Variants in ZNF407 observed in about 807,000 individuals in gnomAD.
The protein encoded by ZNF407 is zinc finger protein 407.
A neutral mutation model predicts 131.2 loss-of-function variants in ZNF407; 17 were observed. The ratio of observed to expected loss-of-function variants is 0.13; its 90% CI spans 0.09 to 0.19. The LOEUF (loss-of-function observed/expected upper bound fraction) is 0.19, where lower values mean the gene tolerates loss of function less well. Ranked by LOEUF, ZNF407 falls within the 10% of genes least tolerant of loss-of-function variation. The pLI is 1.00. For synonymous variants in ZNF407, 1,156 were observed against 1,062.0 expected (o/e 1.09, Z -1.72); for missense variants, 2,681 against 2,830.6 (o/e 0.95, Z 1.20).
intron 6 of ZNF407, among the ~76,000 whole-genome samples, chr18:74,888,383 G>A (rs1971339443): frequency 6.6e-6 from 1 of 151,912 alleles, no homozygotes. Flanking sequence ...TTTTACAATA[G>A]TTAATTTAAC....
In ZNF407 at chr18:74,891,312, C is replaced by T. The variant is rs146161475; in HGVS notation, c.5249+1274C>T. ...ATCCTGGAGCTGAAGATCTCCACTG[C>T]GCTCGACCCACATGATGGCGTGAAA... On this transcript the variant is annotated intron_variant, in intron 7 of 8. Transcript: ENST00000299687. Among the ~76,000 whole-genome samples the T allele has an allele frequency of 1.8e-3, 281 of 152,304 alleles. 1 individual carries two copies. The highest frequency in any genetic ancestry group is 6.5e-3 in the African/African-American group (271 of 41,566).
In ZNF407 at chr18:75,064,315, A is replaced by G. The variant is rs1270895869; in HGVS notation, c.6594A>G (p.Glu2198=). Reference sequence around the variant, plus strand: ...TGCTGGAGACTGCGGACTCGCAGGAACTCCTGCAGGCCGGGGCCACGCTAG... The same window carrying G: ...TGCTGGAGACTGCGGACTCGCAGGAGCTCCTGCAGGCCGGGGCCACGCTAG... ...HTVLETADSQ[E]LLQAGATLGT... The change falls in exon 9 of 9, where the codon GAA becomes GAG. Residue 2198 remains glutamate (E), a synonymous_variant. Transcript: ENST00000299687. 1.3e-6 allele frequency: 2 copies of G among 1,599,982 alleles called. No homozygotes were observed. The highest frequency in any genetic ancestry group is 2.7e-5 in the African/African-American group (2 of 74,594).
intron 4 of ZNF407, among the ~76,000 whole-genome samples, chr18:74,807,651 A>G (rs1970131875): frequency 6.6e-6 from 1 of 152,262 alleles, no homozygotes; most frequent in Non-Finnish European, 1.5e-5. Context: ...TGTATCCAAT[A>G]GAATGTTAAC....
chr18:74,877,445 C>T, intron 5 of ZNF407, 82 bp downstream of exon 5: 1 of 1,268,862 alleles, frequency 7.9e-7, no homozygotes, highest in South Asian at 1.3e-5. Flanking sequence ...ATTAATTATC[C>T]CATCTTCATA....
At chr18:74,964,520 A>G (rs1462427278) in intron 8 of ZNF407, among the ~76,000 whole-genome samples, 1 of 151,398 alleles carries the variant, frequency 6.6e-6, no homozygotes, top group African/African-American at 2.4e-5. Flanking sequence ...TGCTTTGTCA[A>G]GTAAGAAAGT....
At chr18:75,029,583 G>C (rs948746727) in intron 8 of ZNF407, among the ~76,000 whole-genome samples, 2 of 151,950 alleles carry the variant, frequency 1.3e-5, no homozygotes, top group Non-Finnish European at 1.5e-5. Context: ...GTGTGCGTGC[G>C]TGTGTGTGCG....
rs184295223 is a variant in ZNF407, at chr18:74,717,541, T to C, written c.4803-63887T>C. Among the ~76,000 whole-genome samples the C allele has an allele frequency of 4.6e-5, 7 of 152,330 alleles. No individual in the cohort carries two copies. In the East Asian group the frequency reaches 1.2e-3, roughly 25 times the overall value. On this transcript the variant is annotated intron_variant, in intron 3 of 8. Coordinates refer to ENST00000299687, the MANE Select transcript of ZNF407 (RefSeq NM_017757.3). ...CTGTGAGATATGAGATCAGTTTCTT[T>C]CGATAGCCATAGGTAAACAATTTGT...
chr18:74,838,594 A>C (rs531077287), intron 4 of ZNF407, among the ~76,000 whole-genome samples: 1 of 152,098 alleles, frequency 6.6e-6, no homozygotes, highest in South Asian at 2.1e-4. Flanking sequence ...AAGCTACTCA[A>C]AGTTTTTTTT....
At chr18:75,001,183 G>A (rs558194461) in intron 8 of ZNF407, among the ~76,000 whole-genome samples, 1 of 152,292 alleles carries the variant, frequency 6.6e-6, no homozygotes, top group African/African-American at 2.4e-5. Context: ...GGGAAAATGG[G>A]TGGGGAAGAT....
intron 3 of ZNF407, among the ~76,000 whole-genome samples, chr18:74,739,758 A>G (rs1197157144): frequency 6.6e-6 from 1 of 152,160 alleles, no homozygotes; most frequent in African/African-American, 2.4e-5. Flanking sequence ...TGCTCATTTA[A>G]AAAGTAAAAA....
At chr18:74,999,864 A>G (rs1972825251) in intron 8 of ZNF407, among the ~76,000 whole-genome samples, 1 of 152,244 alleles carries the variant, frequency 6.6e-6, no homozygotes, top group African/African-American at 2.4e-5. Flanking sequence ...GTTACATGAA[A>G]AAAAGTAACC....
chr18:74,980,385 A>G (rs1261664235), intron 8 of ZNF407, among the ~76,000 whole-genome samples: 2 of 151,802 alleles, frequency 1.3e-5, no homozygotes, highest in African/African-American at 4.8e-5. Context: ...TCAGCTCACT[A>G]CATCAGCCTC....
chr18:74,828,597 C>T lies in ZNF407; in HGVS notation c.4877+47095C>T, dbSNP rs527518216. 6.5e-4 allele frequency among the ~76,000 whole-genome samples: 99 copies of T among 152,322 alleles called. 3 individuals are homozygous for T. In the South Asian group the frequency reaches 0.017, roughly 26 times the overall value. ...ACCAGAAGCATTCATTTGTTTTTAG[C>T]ACTGCTTATGGGAACCTGTTCTTTC... On this transcript the variant is annotated intron_variant, in intron 4 of 8. Transcript: ENST00000299687.
intron 4 of ZNF407, among the ~76,000 whole-genome samples, chr18:74,793,907 G>A (rs1969871651): frequency 6.6e-6 from 1 of 152,150 alleles, no homozygotes; most frequent in Non-Finnish European, 1.5e-5. Context: ...TCAGGAGGGA[G>A]AGCTACCGCC....
intron 4 of ZNF407, among the ~76,000 whole-genome samples, chr18:74,854,969 T>G (rs1000978729): frequency 2.0e-5 from 3 of 152,232 alleles, no homozygotes; most frequent in Non-Finnish European, 4.4e-5. Context: ...TTGTTAGGCA[T>G]TTTTATTCTC....
At position 74,635,849 on chromosome 18, in the gene ZNF407, A is replaced by G. The variant is rs905732904; in HGVS notation, c.4687+143A>G. On this transcript the variant is annotated intron_variant, in intron 2 of 8. Transcript: ENST00000299687. This position sits in a 1 kb window ranked among gnomAD's most constrained non-coding sequence, Gnocchi z 4.7. ...CCGTGTGCTGCTCTGCTTGTCTGCA[A>G]TAAGTCATTGTTGACACTTAACATT... The G allele has an allele frequency of 1.2e-4, 139 of 1,146,170 alleles. 1 individual carries two copies. The highest frequency in any genetic ancestry group is 3.6e-6 in the Non-Finnish European group (3 of 842,088). The allele number at this position is 1,146,170 out of a possible 1,614,324, so 71.0% of individuals were successfully genotyped here.
chr18:74,609,515 A>T (rs1009488511), intron 1 of ZNF407, among the ~76,000 whole-genome samples: 2 of 152,200 alleles, frequency 1.3e-5, no homozygotes, highest in African/African-American at 4.8e-5. Context: ...GGTATAAAAG[A>T]TAAAAAAAAG....
intron 3 of ZNF407, among the ~76,000 whole-genome samples, chr18:74,750,400 A>G (rs7230582): frequency 0.14 from 21,142 of 152,178 alleles, 2,338 homozygotes; most frequent in African/African-American, 0.31. Flanking sequence ...AACTTGATTC[A>G]TATGTAAATC....
chr18:74,946,025 C>T (rs1568279106), intron 8 of ZNF407, among the ~76,000 whole-genome samples: 1 of 152,154 alleles, frequency 6.6e-6, no homozygotes, highest in African/African-American at 2.4e-5. Flanking sequence ...GCACCGTCAC[C>T]CCCAAAGTAG....
Sources: gnomAD v4.1 joint callset for allele counts (sites outside exome capture counted in the v4.1 genomes callset) on GRCh38, gnomAD v4.1.1 for gene constraint, Gnocchi (gnomAD v3.1) non-coding constraint, MANE v1.5 for transcripts, NCBI Gene and HGNC (gene_info 2026-07-23, HGNC 2026-07-21) for gene names.